Variants in CMTM7 observed in about 807,000 individuals in gnomAD.
The protein encoded by CMTM7 is CKLF like MARVEL transmembrane domain containing 7.
Under a neutral mutation model 19.3 loss-of-function variants are expected in CMTM7, and 7 were observed. The ratio of observed to expected loss-of-function variants is 0.36; its 90% CI spans 0.21 to 0.68. CMTM7 has a LOEUF of 0.68. Ranked by LOEUF, CMTM7 falls within the 30% of genes least tolerant of loss-of-function variation. CMTM7 has a pLI of 0.60. For synonymous variants in CMTM7, 87 were observed against 99.3 expected (o/e 0.88, Z 0.74); for missense variants, 193 against 232.6 (o/e 0.83, Z 1.11).
At chr3:32,417,058 A>C (rs551109296) in intron 1 of CMTM7, among the ~76,000 whole-genome samples, 9 of 152,368 alleles carry the variant, frequency 5.9e-5, no homozygotes, top group African/African-American at 1.7e-4. Context: ...ACAATTCAGA[A>C]GTTTTTAGTC....
chr3:32,406,054 C>T (rs1696086836), intron 1 of CMTM7, among the ~76,000 whole-genome samples: 1 of 152,196 alleles, frequency 6.6e-6, no homozygotes, highest in Non-Finnish European at 1.5e-5. Context: ...GGAGTTATTT[C>T]ACACTTCTGT....
intron 1 of CMTM7, among the ~76,000 whole-genome samples, chr3:32,424,518 A>G (rs1696397147): frequency 6.6e-6 from 1 of 152,180 alleles, no homozygotes. Flanking sequence ...ACATGAACGC[A>G]GTGTTGGGTG....
intron 4 of CMTM7, among the ~76,000 whole-genome samples, chr3:32,453,337 A>G (rs919591982): frequency 6.6e-6 from 1 of 152,138 alleles, no homozygotes; most frequent in African/African-American, 2.4e-5. Context: ...AGTAGCACTG[A>G]GTATCCTTTC....
At chr3:32,400,839 C>T (rs965731270) in intron 1 of CMTM7, among the ~76,000 whole-genome samples, 5 of 152,188 alleles carry the variant, frequency 3.3e-5, no homozygotes, top group Admixed American at 2.6e-4. Context: ...TCCAGTTCTA[C>T]CTGCATACAA....
chr3:32,442,088 G>T, intron 2 of CMTM7, 75 bp downstream of exon 2: 1 of 1,383,942 alleles, frequency 7.2e-7, no homozygotes, highest in Non-Finnish European at 1.0e-6. Flanking sequence ...ACCTGACAGA[G>T]TTTTTCCCGT....
At chr3:32,405,506 A>G (rs1385892314) in intron 1 of CMTM7, among the ~76,000 whole-genome samples, 1 of 152,174 alleles carries the variant, frequency 6.6e-6, no homozygotes, top group Non-Finnish European at 1.5e-5. Flanking sequence ...GGCCTGTTTT[A>G]CATGCAGGAG....
At chr3:32,444,599 A>C (rs1028269246) in intron 2 of CMTM7, among the ~76,000 whole-genome samples, 1 of 152,276 alleles carries the variant, frequency 6.6e-6, no homozygotes, top group South Asian at 2.1e-4. Context: ...CTGGGATTAT[A>C]ATAGGAATTA....
chr3:32,396,303 C>T (rs555110940), intron 1 of CMTM7, among the ~76,000 whole-genome samples: 62 of 151,994 alleles, frequency 4.1e-4, no homozygotes, highest in African/African-American at 1.4e-3. Flanking sequence ...GTCAGGAGTT[C>T]GAGACCAGCC....
chr3:32,414,134 T>G (rs893177670), intron 1 of CMTM7, among the ~76,000 whole-genome samples: 1 of 152,174 alleles, frequency 6.6e-6, no homozygotes, highest in Non-Finnish European at 1.5e-5. Context: ...TCTTGCTTAC[T>G]CTCCCACTGT....
intron 1 of CMTM7, among the ~76,000 whole-genome samples, chr3:32,431,733 C>T (rs1696522809): frequency 6.6e-6 from 1 of 152,218 alleles, no homozygotes; most frequent in African/African-American, 2.4e-5. Context: ...GCTCCTTAAC[C>T]TGGCTGTGTG....
At chr3:32,392,326 C>T (rs1487608143) in intron 1 of CMTM7, among the ~76,000 whole-genome samples, 2 of 152,242 alleles carry the variant, frequency 1.3e-5, no homozygotes, top group African/African-American at 4.8e-5. Flanking sequence ...GCAAGTTTCT[C>T]CGGCCACCCC....
chr3:32,442,114 C>T, intron 2 of CMTM7, 101 bp downstream of exon 2: 1 of 1,082,468 alleles, frequency 9.2e-7, no homozygotes, highest in South Asian at 1.4e-5. Context: ...CATCTCACCT[C>T]TTTAACCATT....
intron 1 of CMTM7, among the ~76,000 whole-genome samples, chr3:32,414,667 G>A (rs907418119): frequency 6.6e-6 from 1 of 152,200 alleles, no homozygotes; most frequent in Non-Finnish European, 1.5e-5. Flanking sequence ...CTAAGGAAGA[G>A]GAAATGATAA....
intron 1 of CMTM7, among the ~76,000 whole-genome samples, chr3:32,415,061 G>A (rs1376889840): frequency 2.0e-5 from 3 of 151,976 alleles, no homozygotes; most frequent in Non-Finnish European, 4.4e-5. Flanking sequence ...TACTTTAGCT[G>A]GGGATGGAAG....
chr3:32,428,789 T>G (rs1696471291), intron 1 of CMTM7, among the ~76,000 whole-genome samples: 1 of 152,190 alleles, frequency 6.6e-6, no homozygotes, highest in African/African-American at 2.4e-5. Flanking sequence ...CCAGAAGGTT[T>G]CTTCTATTCT....
intron 1 of CMTM7, among the ~76,000 whole-genome samples, chr3:32,412,769 T>C (rs767215584): frequency 3.3e-5 from 5 of 152,190 alleles, no homozygotes; most frequent in African/African-American, 4.8e-5. Context: ...TGTTTAAGAA[T>C]ATGTGTAAAG....
intron 1 of CMTM7, among the ~76,000 whole-genome samples, chr3:32,425,798 A>G (rs1696422696): frequency 6.6e-6 from 1 of 152,190 alleles, no homozygotes; most frequent in South Asian, 2.1e-4. Context: ...TGTAATTTTA[A>G]CAGGATATTT....
intron 3 of CMTM7, chr3:32,451,150 AT>A (rs1696823823): frequency 6.6e-6 from 1 of 152,300 alleles, no homozygotes; most frequent in African/African-American, 2.4e-5. Context: ...GCTGTAGACA[AT>A]TGGTACAAAA....
chr3:32,437,717 C>G (rs1696618117), intron 1 of CMTM7, among the ~76,000 whole-genome samples: 1 of 152,030 alleles, frequency 6.6e-6, no homozygotes, highest in South Asian at 2.1e-4. Flanking sequence ...ATGGTGAAAC[C>G]CTGTCTCTAC....
Sources: gnomAD v4.1 joint callset for allele counts (sites outside exome capture counted in the v4.1 genomes callset) on GRCh38, gnomAD v4.1.1 for gene constraint, MANE v1.5 for transcripts, NCBI Gene and HGNC (gene_info 2026-07-23, HGNC 2026-07-21) for gene names.